The following TTC28 variants were observed in gnomAD, a reference collection of about 807,000 sequenced individuals.
TTC28 encodes tetratricopeptide repeat protein 28.
In TTC28, 61 loss-of-function variants were observed where a neutral mutation model predicts 198.0. The observed-to-expected ratio is 0.31, with a 90% confidence interval of 0.25 to 0.38. The LOEUF (loss-of-function observed/expected upper bound fraction) is 0.38. Among genes scored for constraint, TTC28 ranks in the 10% least tolerant of loss-of-function variants. The pLI, the probability that TTC28 is intolerant of heterozygous loss-of-function variation, is 1.00. For missense variants in TTC28, 2,678 were observed against 3,164.0 expected (o/e 0.85, Z 3.69); for synonymous variants, 1,171 against 1,297.8 (o/e 0.90, Z 2.10).
intron 13 of TTC28, among the ~76,000 whole-genome samples, chr22:28,015,244 C>A (rs1278807668): frequency 6.6e-6 from 1 of 152,096 alleles, no homozygotes; most frequent in Non-Finnish European, 1.5e-5. Flanking sequence ...GGAAATGAGT[C>A]CATTTCCAAT....
At chr22:28,094,271 A>G (rs1232581757) in intron 11 of TTC28, 26 bp from the exon 12 acceptor site, 1 of 1,524,290 alleles carries the variant, frequency 6.6e-7, no homozygotes, top group Non-Finnish European at 8.8e-7. Context: ...CACAGCCAAC[A>G]TTATACACAA....
At chr22:28,028,683 C>T (rs546004258) in intron 13 of TTC28, 10 of 242,594 alleles carry the variant, frequency 4.1e-5, no homozygotes, top group East Asian at 2.5e-4. Flanking sequence ...GGCACACAGA[C>T]GTCTCATCCC....
intron 5 of TTC28, among the ~76,000 whole-genome samples, chr22:28,244,828 A>G (rs978452783): frequency 3.3e-5 from 5 of 152,206 alleles, no homozygotes; most frequent in African/African-American, 1.2e-4. Flanking sequence ...AATATCCAGC[A>G]CAACATACCC....
At chr22:28,119,864 T>A (rs959579743) in intron 6 of TTC28, among the ~76,000 whole-genome samples, 10 of 152,214 alleles carry the variant, frequency 6.6e-5, no homozygotes, top group Non-Finnish European at 8.8e-5. Flanking sequence ...GCTAATTAAT[T>A]GGGAAGTCTT....
At chr22:28,247,425 G>A (rs1930183886) in intron 5 of TTC28, among the ~76,000 whole-genome samples, 1 of 152,212 alleles carries the variant, frequency 6.6e-6, no homozygotes, top group African/African-American at 2.4e-5. Flanking sequence ...AATCACTATT[G>A]GCTGCCCCTA....
chr22:28,001,534 C>T lies in TTC28; in HGVS notation c.4238G>A (p.Gly1413Asp). 1 of 1,551,000 alleles carries T rather than the reference C, an allele frequency of 6.4e-7. No homozygotes were observed. Among genetic ancestry groups the T allele is most frequent in the African/African-American group, 1.4e-5 (1 of 73,186 alleles). ...GAGCTGCCGGTGCCGGCCCACGGGGCCGCTGGAGTGCATCAGGCCCTATGG... is the reference window on the plus strand; with the variant it reads ...GAGCTGCCGGTGCCGGCCCACGGGGTCGCTGGAGTGCATCAGGCCCTATGG... Reference protein sequence around the residue: ...PMEGGLMHSSGPVGRHRQLIL... With the variant: ...PMEGGLMHSSDPVGRHRQLIL... Residue 1413 changes from glycine (G) to aspartate (D), a missense_variant, in exon 15 of 23, where the codon GGC (glycine) becomes GAC (aspartate). Gly to Asp is a moderately conservative substitution (Grantham distance 94, BLOSUM62 -1). Transcript: ENST00000397906.
chr22:28,047,020 G>A (rs951277698), intron 12 of TTC28, among the ~76,000 whole-genome samples: 2 of 152,192 alleles, frequency 1.3e-5, no homozygotes, highest in Admixed American at 6.5e-5. Context: ...TCAGTGGTCA[G>A]AGACGGCCAG....
intron 1 of TTC28, among the ~76,000 whole-genome samples, chr22:28,657,747 C>T (rs2051681275): frequency 6.6e-6 from 1 of 151,994 alleles, no homozygotes; most frequent in South Asian, 2.1e-4. Context: ...GGTGAGATGG[C>T]GCACACCTAT....
chr22:28,302,641 G>A (rs1271065332), intron 3 of TTC28, among the ~76,000 whole-genome samples: 1 of 152,108 alleles, frequency 6.6e-6, no homozygotes, highest in African/African-American at 2.4e-5. Context: ...ATCTTTTGGG[G>A]GAAGAAGCCT....
At chr22:28,391,302 A>G (rs1425164466) in intron 2 of TTC28, among the ~76,000 whole-genome samples, 1 of 152,080 alleles carries the variant, frequency 6.6e-6, no homozygotes, top group African/African-American at 2.4e-5. Context: ...ACTTTGGTGA[A>G]TCTGACAATT....
chr22:27,996,338 CG>C, intron 16 of TTC28, 79 bp from the exon 17 acceptor site: 1 of 1,509,296 alleles, frequency 6.6e-7, no homozygotes, highest in East Asian at 2.5e-5. Context: ...GGCTCACTTA[CG>C]CCTCGAGGTT....
intron 2 of TTC28, among the ~76,000 whole-genome samples, chr22:28,389,740 TTTATTAGTC>T (rs1183331518): frequency 6.7e-6 from 1 of 149,112 alleles, no homozygotes; most frequent in Non-Finnish European, 1.5e-5. Context: ...TCTTTTTTTC[TTTATTAGTC>T]TTGCTAGTGG....
At chr22:28,658,977 A>T (rs1011097669) in intron 1 of TTC28, among the ~76,000 whole-genome samples, 2 of 152,156 alleles carry the variant, frequency 1.3e-5, no homozygotes, top group African/African-American at 2.4e-5. Context: ...AGCCTGGGTG[A>T]CAGAGTGAGA....
intron 2 of TTC28, among the ~76,000 whole-genome samples, chr22:28,468,703 T>C (rs2048059294): frequency 6.7e-6 from 1 of 149,304 alleles, no homozygotes; most frequent in South Asian, 2.1e-4. Flanking sequence ...TTTTTTTTTT[T>C]TTTTTTTGTA....
At chr22:28,137,844 G>C (rs929422241) in intron 6 of TTC28, among the ~76,000 whole-genome samples, 1 of 152,018 alleles carries the variant, frequency 6.6e-6, no homozygotes, top group Non-Finnish European at 1.5e-5. Flanking sequence ...GGGAAACCCT[G>C]TCTCTACTAA....
chr22:28,555,639 G>A lies in TTC28; in HGVS notation c.381+73913C>T, dbSNP rs574106693. 5.9e-5 allele frequency among the ~76,000 whole-genome samples: 9 copies of A among 152,196 alleles called. No homozygotes were observed. In the South Asian group the frequency reaches 6.2e-4, roughly 11 times the overall value. On this transcript the variant is annotated intron_variant, in intron 2 of 22. Coordinates refer to ENST00000397906, the MANE Select transcript of TTC28 (RefSeq NM_001145418.2). ...GTTCTCACTCATATGTGGGAGCTAA[G>A]CTATGAGGACACAAAGGCATAAGAA...
At chr22:28,242,093 G>A (rs778619908) in intron 5 of TTC28, among the ~76,000 whole-genome samples, 15 of 152,164 alleles carry the variant, frequency 9.9e-5, no homozygotes, top group Non-Finnish European at 1.6e-4. Context: ...AAACTATTTC[G>A]GGGGATCTTC....
intron 2 of TTC28, among the ~76,000 whole-genome samples, chr22:28,392,360 T>A (rs770798127): frequency 1.2e-4 from 18 of 152,216 alleles, no homozygotes; most frequent in Non-Finnish European, 2.1e-4. Context: ...TGAGTTGTGG[T>A]GGGCTCCACC....
At chr22:28,141,932 A>G (rs1943346088) in intron 6 of TTC28, among the ~76,000 whole-genome samples, 1 of 152,182 alleles carries the variant, frequency 6.6e-6, no homozygotes, top group Non-Finnish European at 1.5e-5. Flanking sequence ...GTACTTCTTA[A>G]GTAACTATAA....
Sources: allele counts gnomAD v4.1 joint callset (sites outside exome capture counted in the v4.1 genomes callset), GRCh38; gene constraint gnomAD v4.1.1; transcripts MANE v1.5; gene names NCBI Gene and HGNC (gene_info 2026-07-23, HGNC 2026-07-21).